The following POLA1 variants were observed in gnomAD, a reference collection of about 807,000 sequenced individuals.
POLA1 encodes the protein DNA polymerase alpha 1, catalytic subunit.
In POLA1, 15 loss-of-function variants were observed where a neutral mutation model predicts 124.0. The observed-to-expected ratio is 0.12, with a 90% CI of 0.08 to 0.19. POLA1 has a LOEUF of 0.19. Among genes scored for constraint, POLA1 ranks in the 10% least tolerant of loss-of-function variants. POLA1 has a pLI of 1.00. For missense variants in POLA1, 886 were observed against 1,103.4 expected, an observed-to-expected ratio of 0.80 and a Z score of 2.79; for synonymous variants, 408 against 389.4, an observed-to-expected ratio of 1.05 and a Z score of -0.56.
chrX:24,700,959 T>C (rs757980460), intron 2 of POLA1, among the ~76,000 whole-genome samples: 4 of 111,962 alleles, frequency 3.6e-5, no homozygotes, highest in Non-Finnish European at 3.8e-5. Context: ...TAATGTTGTT[T>C]TTAAAGATTG....
chrX:24,776,929 C>T (rs2045150624), intron 26 of POLA1, among the ~76,000 whole-genome samples: 1 of 112,123 alleles, frequency 8.9e-6, no homozygotes, highest in African/African-American at 3.2e-5. Context: ...ATTGCTTTAC[C>T]TTCAAACTCA....
chrX:24,699,323 A>G, intron 1 of POLA1, 102 bp from the exon 2 acceptor site: 3 of 616,162 alleles, frequency 4.9e-6, no homozygotes, highest in Non-Finnish European at 7.1e-6. Flanking sequence ...GTATATTACT[A>G]AAATTGTATG....
At chrX:24,857,906 A>G (rs182307866) in intron 34 of POLA1, among the ~76,000 whole-genome samples, 2 of 111,337 alleles carry the variant, frequency 1.8e-5, no homozygotes, top group Admixed American at 1.9e-4. Flanking sequence ...AGGGTTTGAA[A>G]ACCCTTTAAA....
At chrX:24,733,920 A>G in intron 17 of POLA1, 104 bp downstream of exon 17, 1 of 447,991 alleles carries the variant, frequency 2.2e-6, no homozygotes, top group South Asian at 4.4e-5. Flanking sequence ...TATTAGATTC[A>G]TTCCTGCCAG....
intron 26 of POLA1, among the ~76,000 whole-genome samples, chrX:24,807,253 G>A (rs1447322209): frequency 8.9e-6 from 1 of 112,214 alleles, no homozygotes; most frequent in Non-Finnish European, 1.9e-5. Flanking sequence ...TGTAGTAAAA[G>A]GTTGACAAAC....
chrX:24,752,704 G>T (rs1433201058), intron 26 of POLA1, among the ~76,000 whole-genome samples: 1 of 112,146 alleles, frequency 8.9e-6, no homozygotes, highest in Admixed American at 9.4e-5. Flanking sequence ...CCACATTTTA[G>T]ACTTTTATTA....
At chrX:24,949,694 G>T (rs2048009673) in intron 36 of POLA1, among the ~76,000 whole-genome samples, 1 of 106,570 alleles carries the variant, frequency 9.4e-6, no homozygotes, top group Admixed American at 1.0e-4. Context: ...CCTGTTTATG[G>T]CACTGTATAT....
At position 24,996,976 on chromosome X, in the gene POLA1, C is replaced by A. The variant is rs1032012338; in HGVS notation, c.*1026C>A. The stretch of plus-strand genomic sequence containing the variant: ...GCCTTCTTCTTAAGAATAAAGTTTT[C>A]TAAAGGGAAAGCAGTTGTGGTGAAT... On this transcript the variant is annotated 3_prime_UTR_variant, in exon 37 of 37. Coordinates refer to ENST00000379068, the MANE Select transcript of POLA1 (RefSeq NM_001330360.2). 2.7e-5 allele frequency: 3 copies of A among 111,260 alleles called. No homozygotes were observed. Among genetic ancestry groups the A allele is most frequent in the Non-Finnish European group, 5.6e-5 (3 of 53,162 alleles). The allele number at this position is 111,260 out of a possible 1,213,427, so 9.2% of individuals were successfully genotyped here. A position where few individuals can be genotyped will look rare whatever the true frequency, so the allele number is the denominator to read the frequency against.
intron 1 of POLA1, among the ~76,000 whole-genome samples, chrX:24,699,135 G>T (rs750722991): frequency 8.9e-6 from 1 of 112,110 alleles, no homozygotes; most frequent in African/African-American, 3.2e-5. Flanking sequence ...CTTGTTTAGT[G>T]TCTCCGCAGG....
intron 32 of POLA1, among the ~76,000 whole-genome samples, chrX:24,828,446 G>T (rs1404133101): frequency 8.9e-6 from 1 of 111,800 alleles, no homozygotes; most frequent in Admixed American, 9.5e-5. Context: ...CCTGTTCTTA[G>T]CTCTAAAAGG....
chrX:24,811,359 G>A (rs1450305879), intron 28 of POLA1, among the ~76,000 whole-genome samples: 1 of 108,553 alleles, frequency 9.2e-6, no homozygotes, highest in African/African-American at 3.4e-5. Context: ...TGCAACCTCC[G>A]ACTCCCTGCA....
intron 35 of POLA1, among the ~76,000 whole-genome samples, chrX:24,899,833 T>G (rs1160804583): frequency 8.9e-6 from 1 of 111,813 alleles, no homozygotes; most frequent in African/African-American, 3.3e-5. Flanking sequence ...CACGAGACCT[T>G]TCCTGCCGTC....
At chrX:24,982,353 T>C (rs2048431611) in intron 36 of POLA1, among the ~76,000 whole-genome samples, 2 of 111,196 alleles carry the variant, frequency 1.8e-5, no homozygotes, top group Non-Finnish European at 3.8e-5. Flanking sequence ...ATGTGCCGTC[T>C]GTGGCTGCCA....
chrX:24,796,620 G>A (rs777672845), intron 26 of POLA1, among the ~76,000 whole-genome samples: 1 of 111,641 alleles, frequency 9.0e-6, no homozygotes, highest in Non-Finnish European at 1.9e-5. Context: ...TACCCCTTCA[G>A]TGAGCTGTGC....
intron 26 of POLA1, among the ~76,000 whole-genome samples, chrX:24,757,741 A>G (rs1262089542): frequency 7.2e-5 from 8 of 111,138 alleles, no homozygotes; most frequent in Non-Finnish European, 1.5e-4. Flanking sequence ...GCCCAGCCCA[A>G]ACTCTGAAAC....
chrX:24,797,645 C>T (rs957450656), intron 26 of POLA1, among the ~76,000 whole-genome samples: 4 of 112,156 alleles, frequency 3.6e-5, no homozygotes, highest in Non-Finnish European at 5.6e-5. Flanking sequence ...TTAGTAAATA[C>T]TGTTGGTGTT....
At chrX:24,763,848 A>C (rs1932842577) in intron 26 of POLA1, among the ~76,000 whole-genome samples, 1 of 111,749 alleles carries the variant, frequency 8.9e-6, no homozygotes, top group Admixed American at 9.5e-5. Flanking sequence ...CTGATTTGCT[A>C]TAGGAAGATA....
chrX:24,954,659 G>C (rs2147251923), intron 36 of POLA1, among the ~76,000 whole-genome samples: 1 of 112,256 alleles, frequency 8.9e-6, no homozygotes, highest in South Asian at 3.7e-4. Context: ...ATTTGTACTA[G>C]TAGTAAATAT....
At chrX:24,779,082 T>G (rs1193833737) in intron 26 of POLA1, among the ~76,000 whole-genome samples, 1 of 110,818 alleles carries the variant, frequency 9.0e-6, no homozygotes, top group East Asian at 2.8e-4. Flanking sequence ...CTTTCTTTCT[T>G]TCTTTTTTTT....
Sources: gnomAD v4.1 joint callset for allele counts (sites outside exome capture counted in the v4.1 genomes callset) on GRCh38, gnomAD v4.1.1 for gene constraint, MANE v1.5 for transcripts, NCBI Gene and HGNC (gene_info 2026-07-23, HGNC 2026-07-21) for gene names.